SLC4A10: variants seen among roughly 807,000 people sequenced by gnomAD.
SLC4A10 encodes sodium-driven chloride bicarbonate exchanger.
SLC4A10 carries 42 observed loss-of-function variants against 137.7 expected under a neutral mutation model. The observed-to-expected ratio is 0.30, with a 90% confidence interval of 0.24 to 0.39. The LOEUF is 0.39. SLC4A10 is among the 10% of genes least tolerant of loss of function. The pLI, the probability that SLC4A10 is intolerant of heterozygous loss-of-function variation, is 1.00. For missense variants in SLC4A10, 925 were observed against 1,355.0 expected, an observed-to-expected ratio of 0.68 and a Z score of 4.98; for synonymous variants, 474 against 464.1, an observed-to-expected ratio of 1.02 and a Z score of -0.27.
intron 6 of SLC4A10, among the ~76,000 whole-genome samples, chr2:161,865,279 G>A (rs1462316455): frequency 2.0e-5 from 3 of 152,088 alleles, no homozygotes; most frequent in Middle Eastern, 3.4e-3. Flanking sequence ...CATTAGAAGA[G>A]ATGTTAGAAT....
At chr2:161,653,596 A>T (rs530042562) in intron 1 of SLC4A10, among the ~76,000 whole-genome samples, 1 of 152,304 alleles carries the variant, frequency 6.6e-6, no homozygotes, top group South Asian at 2.1e-4. Context: ...TTCTCTTCCT[A>T]TGAATTTGAT....
At chr2:161,819,318 G>A (rs1325608768) in intron 3 of SLC4A10, among the ~76,000 whole-genome samples, 2 of 152,024 alleles carry the variant, frequency 1.3e-5, no homozygotes, top group African/African-American at 4.8e-5. Context: ...TGGTAGTGGT[G>A]GTGGTGATGT....
intron 1 of SLC4A10, among the ~76,000 whole-genome samples, chr2:161,767,122 T>TGTGTGTGTGTGTGTGTGTGTGTGTGTG (rs2050920042): frequency 1.8e-5 from 2 of 110,816 alleles, no homozygotes; most frequent in South Asian, 6.3e-4. Context: ...TATATATATA[T>TGTGTGTGTGTGTGTGTGTGTGTGTGTG]ATATATATAT....
In SLC4A10 at chr2:161,704,434, A is replaced by G. The variant is rs1218921433; in HGVS notation, c.49-66539A>G. ...GAAATATGAGTACAACATTAGAAAT[A>G]TTGAAATCTGAAGCAAAATTTTTAG... On this transcript the variant is annotated intron_variant, in intron 1 of 26. Coordinates refer to ENST00000446997, the MANE Select transcript of SLC4A10 (RefSeq NM_001178015.2). Among the ~76,000 whole-genome samples, 3 of 151,728 alleles carry G rather than the reference A, an allele frequency of 2.0e-5. No homozygotes were observed. The East Asian group carries it at 5.8e-4, about 29-fold the overall frequency.
chr2:161,725,283 A>T (rs1347265783), intron 1 of SLC4A10, among the ~76,000 whole-genome samples: 3 of 152,144 alleles, frequency 2.0e-5, no homozygotes, highest in Middle Eastern at 3.4e-3. Context: ...AACTCTTTCC[A>T]CTTTTTGTAG....
intron 23 of SLC4A10, among the ~76,000 whole-genome samples, chr2:161,967,025 A>G (rs1053990145): frequency 6.6e-6 from 1 of 152,176 alleles, no homozygotes; most frequent in Non-Finnish European, 1.5e-5. Context: ...CTTGCCTTTC[A>G]GTCTTTTTGA....
intron 2 of SLC4A10, among the ~76,000 whole-genome samples, chr2:161,799,389 T>C (rs745626213): frequency 2.0e-5 from 3 of 151,926 alleles, no homozygotes; most frequent in East Asian, 3.9e-4. Context: ...ATTATGGATA[T>C]TGGAAAAATT....
At chr2:161,700,167 G>A (rs990037544) in intron 1 of SLC4A10, among the ~76,000 whole-genome samples, 7 of 152,188 alleles carry the variant, frequency 4.6e-5, no homozygotes, top group Non-Finnish European at 1.5e-5. Flanking sequence ...AGTAGTTGTT[G>A]ATGAGATTGG....
chr2:161,825,966 T>C (rs2057994272), intron 3 of SLC4A10, among the ~76,000 whole-genome samples: 1 of 152,232 alleles, frequency 6.6e-6, no homozygotes, highest in Admixed American at 6.5e-5. Context: ...TGGAAATAAA[T>C]ATCTGTTCTT....
intron 12 of SLC4A10, chr2:161,902,199 C>T (rs530246665): frequency 1.9e-4 from 80 of 415,912 alleles, no homozygotes; most frequent in Non-Finnish European, 3.6e-4. Flanking sequence ...TAGATTTTTA[C>T]TGCTAAAAGC....
At chr2:161,933,533 C>T (rs1691001575) in intron 15 of SLC4A10, among the ~76,000 whole-genome samples, 1 of 152,042 alleles carries the variant, frequency 6.6e-6, no homozygotes. Flanking sequence ...ACTAGGACAA[C>T]ATGCACATGC....
At chr2:161,935,994 A>G (rs1691517458) in intron 15 of SLC4A10, among the ~76,000 whole-genome samples, 1 of 152,136 alleles carries the variant, frequency 6.6e-6, no homozygotes, top group Non-Finnish European at 1.5e-5. Context: ...TCTATCATGA[A>G]AGAATGTTGA....
intron 1 of SLC4A10, chr2:161,651,368 T>C (rs2105586223): frequency 6.6e-6 from 1 of 152,492 alleles, no homozygotes; most frequent in South Asian, 2.1e-4. Context: ...CCTCCGGTTG[T>C]CTGTGTACCT....
rs1350667704 is a variant in SLC4A10 at position 161,976,832 on chromosome 2, T to C, written c.3300T>C (p.Thr1100=). ...CCTTGTGGAGGAACCTTCTGATTAC[T>C]GCCGATAACTCAAAAGATAAGGAGT... ...KTALWRNLLI[T]ADNSKDKESS... is the part of the protein sequence containing the mutation. Residue 1100 remains threonine, a synonymous_variant, in exon 25 of 27, where the codon ACT becomes ACC. Transcript: ENST00000446997. 1 of 1,604,398 alleles carries C rather than the reference T, an allele frequency of 6.2e-7. No individual in the cohort carries two copies. The highest frequency in any genetic ancestry group is 2.2e-5 in the East Asian group (1 of 44,712).
chr2:161,882,082 A>C (rs976754706), intron 9 of SLC4A10, among the ~76,000 whole-genome samples: 1 of 151,924 alleles, frequency 6.6e-6, no homozygotes, highest in African/African-American at 2.4e-5. Context: ...ATTCCCAATA[A>C]CAACTGCACA....
At chr2:161,760,354 C>T (rs765437690) in intron 1 of SLC4A10, among the ~76,000 whole-genome samples, 4 of 151,904 alleles carry the variant, frequency 2.6e-5, no homozygotes, top group Non-Finnish European at 5.9e-5. Flanking sequence ...ATGGAATTTG[C>T]AATTTTAAGA....
chr2:161,641,106 T>A (rs915165891), intron 1 of SLC4A10, among the ~76,000 whole-genome samples: 75 of 152,304 alleles, frequency 4.9e-4, no homozygotes, highest in African/African-American at 1.6e-3. Context: ...CATTTTTTTT[T>A]AATTTTTAAG....
At chr2:161,902,711 A>T (rs1016157928) in intron 12 of SLC4A10, among the ~76,000 whole-genome samples, 1 of 152,174 alleles carries the variant, frequency 6.6e-6, no homozygotes, top group African/African-American at 2.4e-5. Flanking sequence ...TTAATAGGTA[A>T]CTATTACAGA....
chr2:161,917,217 A>G (rs892548876), intron 15 of SLC4A10, among the ~76,000 whole-genome samples: 2 of 152,166 alleles, frequency 1.3e-5, no homozygotes, highest in Non-Finnish European at 2.9e-5. Context: ...TTTTCTTGCC[A>G]GGTAGTGTTC....
Sources: gnomAD v4.1 joint callset for allele counts (sites outside exome capture counted in the v4.1 genomes callset) on GRCh38, gnomAD v4.1.1 for gene constraint, MANE v1.5 for transcripts, NCBI Gene and HGNC (gene_info 2026-07-23, HGNC 2026-07-21) for gene names.